Variants in CEP85L observed in about 807,000 individuals in gnomAD.
The protein encoded by CEP85L is centrosomal protein of 85 kDa-like.
A neutral mutation model predicts 100.3 loss-of-function variants in CEP85L; 60 were observed. That is an observed-to-expected ratio of 0.60 (90% CI 0.49 to 0.74). CEP85L has a LOEUF of 0.74. Among genes scored for constraint, CEP85L ranks in the 30% least tolerant of loss-of-function variants. The pLI, the probability that CEP85L is intolerant of heterozygous loss-of-function variation, is 0.00. For missense variants in CEP85L, 973 were observed against 936.2 expected, an observed-to-expected ratio of 1.04 and a Z score of -0.51; for synonymous variants, 319 against 322.7, an observed-to-expected ratio of 0.99 and a Z score of 0.12.
chr6:118,675,964 A>T lies in CEP85L; in HGVS notation c.-27-23156T>A, dbSNP rs538223535. 3.3e-5 allele frequency among the ~76,000 whole-genome samples: 5 copies of T among 152,314 alleles called. 1 individual carries two copies. The highest frequency in any genetic ancestry group is 1.2e-4 in the African/African-American group (5 of 41,576). On this transcript the variant is annotated intron_variant, in intron 1 of 13. Coordinates refer to the CEP85L transcript ENST00000368488. The stretch of plus-strand genomic sequence containing the variant: ...ATGAACAATAATAAAAGAGATAATT[A>T]TTTCTAATTTCCCAAAGAAGATCAA...
chr6:118,508,506 A>T (rs530840439), intron 5 of CEP85L, among the ~76,000 whole-genome samples: 173 of 152,228 alleles, frequency 1.1e-3, no homozygotes, highest in African/African-American at 4.0e-3. Flanking sequence ...GGCTCTACCA[A>T]TCTACCATTA....
rs761056344 is a variant in CEP85L at position 118,558,994 on chromosome 6, C to T, written c.1020+6535G>A. On this transcript the variant is annotated intron_variant, in intron 3 of 12. Transcript: ENST00000368491. ...AACCATTGAAATGCCTCAACAAGCA[C>T]GTCAAAAGCTACAGAATCTATTTAT... The T allele has an allele frequency of 1.2e-5, 19 of 1,609,908 alleles. No homozygotes were observed. The highest frequency in any genetic ancestry group is 1.2e-4 in the Admixed American group (7 of 59,992).
chr6:118,591,589 A>T (rs962364530), intron 2 of CEP85L, among the ~76,000 whole-genome samples: 16 of 152,182 alleles, frequency 1.1e-4, no homozygotes, highest in African/African-American at 3.6e-4. Context: ...TGATCATGGG[A>T]CACTACTTCA....
At chr6:118,633,771 ATT>A (rs1211797051) in intron 1 of CEP85L, among the ~76,000 whole-genome samples, 1 of 152,230 alleles carries the variant, frequency 6.6e-6, no homozygotes, top group Non-Finnish European at 1.5e-5. Flanking sequence ...GAAATTTTAA[ATT>A]CGTTCAACTT....
intron 5 of CEP85L, among the ~76,000 whole-genome samples, chr6:118,498,831 C>A (rs1775093205): frequency 6.6e-6 from 1 of 152,148 alleles, no homozygotes; most frequent in South Asian, 2.1e-4. Context: ...TCAAGCTCAC[C>A]TGGAACATTC....
At chr6:118,630,955 C>G (rs1203816713) in intron 2 of CEP85L, among the ~76,000 whole-genome samples, 1 of 152,236 alleles carries the variant, frequency 6.6e-6, no homozygotes, top group Non-Finnish European at 1.5e-5. Context: ...GCACCTGAAT[C>G]ATCCCAAAAC....
Position 118,472,463 on chromosome 6 carries a change from G to A in CEP85L, c.1915-1819C>T, listed in dbSNP as rs1773036322. Among the ~76,000 whole-genome samples, 3 of 152,114 alleles carry A rather than the reference G, an allele frequency of 2.0e-5. No individual in the cohort carries two copies. The South Asian group carries it at 6.2e-4, about 32-fold the overall frequency. ...ACAAATTGGTCTAGGATAATACTAG[G>A]TATGAGTGCTATAGTTGTCTGACAG... On this transcript the variant is annotated intron_variant, in intron 10 of 12. Transcript: ENST00000368491.
At chr6:118,564,250 C>T (rs567513352) in intron 3 of CEP85L, among the ~76,000 whole-genome samples, 8 of 152,280 alleles carry the variant, frequency 5.3e-5, no homozygotes, top group Admixed American at 1.3e-4. Flanking sequence ...CTCTATCACA[C>T]CTACTCTAGT....
chr6:118,478,774 C>T (rs1773568878), intron 10 of CEP85L, among the ~76,000 whole-genome samples: 1 of 152,106 alleles, frequency 6.6e-6, no homozygotes, highest in Non-Finnish European at 1.5e-5. Context: ...GACATATTTA[C>T]ATGTGACTAC....
chr6:118,558,098 C>T (rs1778984315), intron 3 of CEP85L, among the ~76,000 whole-genome samples: 2 of 151,994 alleles, frequency 1.3e-5, no homozygotes, highest in African/African-American at 2.4e-5. Flanking sequence ...ATTACAGGCA[C>T]ATGCCACCAG....
At chr6:118,697,602 T>A (rs1221190715) in intron 1 of CEP85L, among the ~76,000 whole-genome samples, 2 of 152,234 alleles carry the variant, frequency 1.3e-5, no homozygotes, top group African/African-American at 4.8e-5. Context: ...TAAACTATGC[T>A]AGTTTTCTTC....
At chr6:118,585,061 T>C (rs1439283260) in intron 2 of CEP85L, among the ~76,000 whole-genome samples, 1 of 152,152 alleles carries the variant, frequency 6.6e-6, no homozygotes, top group East Asian at 1.9e-4. Context: ...AGATGGGAGC[T>C]CTTTTGTAGA....
chr6:118,537,409 G>T, intron 3 of CEP85L: 1 of 531,772 alleles, frequency 1.9e-6, no homozygotes, highest in Non-Finnish European at 2.4e-6. Flanking sequence ...CACTGGGAAG[G>T]CCTCATTTAG....
chr6:118,701,867 A>G (rs532265947), intron 1 of CEP85L, among the ~76,000 whole-genome samples: 13 of 152,268 alleles, frequency 8.5e-5, no homozygotes, highest in African/African-American at 3.1e-4. Context: ...AATAACATTT[A>G]CTCCTATACA....
rs1287535375 is a variant in CEP85L at position 118,462,647 on chromosome 6, A to T, written c.*2758T>A. 3 of 151,992 alleles carry T rather than the reference A, an allele frequency of 2.0e-5. No homozygotes were observed. Among genetic ancestry groups the T allele is most frequent in the African/African-American group, 7.2e-5 (3 of 41,438 alleles). 9.4% of individuals were successfully genotyped at this position (151,992 alleles called of 1,614,324 possible). A position where few individuals can be genotyped will look rare whatever the true frequency, so the allele number is the denominator to read the frequency against. On this transcript the variant is annotated 3_prime_UTR_variant, in exon 13 of 13. Transcript: ENST00000368491. The stretch of plus-strand genomic sequence containing the variant: ...ATAGATTCACTTTAAAATTTAGGTT[A>T]ATTTTCATTTCAGGAATATATTGGT...
At chr6:118,551,397 TAAA>T (rs34030625) in intron 3 of CEP85L, among the ~76,000 whole-genome samples, 102,712 of 151,326 alleles carry the variant, frequency 0.68, 35,545 homozygotes, top group Middle Eastern at 0.74. Flanking sequence ...GCATTCATTT[TAAA>T]TCCTTAAGAC....
intron 1 of CEP85L, among the ~76,000 whole-genome samples, chr6:118,649,762 G>T (rs1775424207): frequency 6.6e-6 from 1 of 151,854 alleles, no homozygotes. Flanking sequence ...ACTTAATACT[G>T]CTTTTTACTA....
At chr6:118,692,596 G>A (rs1777080089) in intron 1 of CEP85L, among the ~76,000 whole-genome samples, 1 of 152,108 alleles carries the variant, frequency 6.6e-6, no homozygotes, top group African/African-American at 2.4e-5. Flanking sequence ...CCAATTATAT[G>A]AAAGCATAAA....
At chr6:118,534,418 C>T (rs547884770) in intron 3 of CEP85L, among the ~76,000 whole-genome samples, 19 of 151,562 alleles carry the variant, frequency 1.3e-4, no homozygotes, top group African/African-American at 3.6e-4. Flanking sequence ...TTTGGGAGGC[C>T]GAAGTGGGCG....
Sources: allele counts gnomAD v4.1 joint callset (sites outside exome capture counted in the v4.1 genomes callset), GRCh38; gene constraint gnomAD v4.1.1; transcripts MANE v1.5; gene names NCBI Gene and HGNC (gene_info 2026-07-23, HGNC 2026-07-21).